The following CLIP3 variants were observed in gnomAD, a reference collection of about 807,000 sequenced individuals.
The protein encoded by CLIP3 is CAP-Gly domain containing linker protein 3, also known as CAP-Gly domain-containing linker protein 3.
Under a neutral mutation model 59.4 loss-of-function variants are expected in CLIP3, and 15 were observed. That is an observed-to-expected ratio of 0.25 (90% CI 0.17 to 0.39). CLIP3 has a LOEUF of 0.39. Ranked by LOEUF, CLIP3 falls within the 10% of genes least tolerant of loss-of-function variation. CLIP3 has a pLI of 1.00. For missense variants in CLIP3, 495 were observed against 765.7 expected (o/e 0.65, Z 4.17); for synonymous variants, 300 against 321.6 (o/e 0.93, Z 0.72).
chr19:36,016,737 T>C lies in CLIP3; in HGVS notation c.1589+170A>G, dbSNP rs1177663071. On this transcript the variant is annotated intron_variant, in intron 13 of 13. Coordinates refer to ENST00000360535, the MANE Select transcript of CLIP3 (RefSeq NM_015526.3). The surrounding 1 kb of genome is among the most constrained non-coding windows in gnomAD (Gnocchi z 4.1). ...GAAAGTGGAATTCACTAGAATTCAG[T>C]GCGGGGCCCTACACCCTAAAGACTG... The C allele has an allele frequency of 3.0e-6, 2 of 669,428 alleles. No individual in the cohort carries two copies. The highest frequency in any genetic ancestry group is 3.6e-5 in the African/African-American group (2 of 55,166). The allele number at this position is 669,428 out of a possible 1,614,324, so 41.5% of individuals were successfully genotyped here. A position where few individuals can be genotyped will look rare whatever the true frequency, so the allele number is the denominator to read the frequency against.
chr19:36,018,423 A>C (rs1476381732), intron 9 of CLIP3, among the ~76,000 whole-genome samples: 1 of 152,060 alleles, frequency 6.6e-6, no homozygotes, highest in Non-Finnish European at 1.5e-5. Flanking sequence ...TACAGAAAAA[A>C]ATACAAACAT....
chr19:36,024,935 G>A (rs968490197), intron 6 of CLIP3, among the ~76,000 whole-genome samples: 15 of 152,132 alleles, frequency 9.9e-5, no homozygotes, highest in African/African-American at 2.2e-4. Context: ...GTGTGGTGGC[G>A]TGTGCCTGTA....
At position 36,026,971 on chromosome 19, in the gene CLIP3, T is replaced by C; in HGVS notation, c.381A>G (p.Lys127=). 6.4e-7 allele frequency: 1 copy of C among 1,559,926 alleles called. No individual in the cohort carries two copies. The highest frequency in any genetic ancestry group is 2.1e-5 in the Admixed American group (1 of 48,468). ...TDMTLLHYAC[K]AGAHGVGDPA... is the part of the protein sequence containing the mutation. Reference sequence around the variant, plus strand: ...CCTCACCGACTCCGTGGGCCCCAGCTTTGCACGCATAGTGGAGCAGTGTCA... The same window carrying C: ...CCTCACCGACTCCGTGGGCCCCAGCCTTGCACGCATAGTGGAGCAGTGTCA... Residue 127 remains lysine, a synonymous_variant, in exon 4 of 14, where the codon AAA becomes AAG. Transcript: ENST00000360535. This position sits in a 1 kb window ranked among gnomAD's most constrained non-coding sequence, Gnocchi z 6.3.
chr19:36,026,509 G>A lies in CLIP3; in HGVS notation c.562+77C>T. On this transcript the variant is annotated intron_variant, in intron 5 of 13. Coordinates refer to ENST00000360535, the MANE Select transcript of CLIP3 (RefSeq NM_015526.3). This position sits in a 1 kb window ranked among gnomAD's most constrained non-coding sequence, Gnocchi z 6.3. ...TCAGATCACCGTCCTCCTTCCCCTC[G>A]CAGCCTGGCCTCACCTGGGTCTCCG... 6.3e-7 allele frequency: 1 copy of A among 1,576,700 alleles called. No individual in the cohort carries two copies. The highest frequency in any genetic ancestry group is 8.6e-7 in the Non-Finnish European group (1 of 1,157,256).
chr19:36,031,367 T>G (rs1168219570), intron 2 of CLIP3, among the ~76,000 whole-genome samples: 1 of 152,206 alleles, frequency 6.6e-6, no homozygotes, highest in Non-Finnish European at 1.5e-5. Context: ...TTATCTGATT[T>G]CTGATTTATT....
chr19:36,022,245 A>T (rs1968971619), intron 7 of CLIP3, among the ~76,000 whole-genome samples: 1 of 152,174 alleles, frequency 6.6e-6, no homozygotes, highest in African/African-American at 2.4e-5. Flanking sequence ...CACAAAGAGC[A>T]TTTAGTATGC....
chr19:36,018,820 A>T lies in CLIP3; in HGVS notation c.1183+78T>A, dbSNP rs535102193. Reference sequence around the variant, plus strand: ...AAACTGGAGTTTGGGCCTGAGGAGAAACTGAGTCACAGAAGCTGAGCTACC... The same window carrying T: ...AAACTGGAGTTTGGGCCTGAGGAGATACTGAGTCACAGAAGCTGAGCTACC... On this transcript the variant is annotated intron_variant, in intron 9 of 13. Coordinates refer to ENST00000360535, the MANE Select transcript of CLIP3 (RefSeq NM_015526.3). 2.6e-6 allele frequency: 4 copies of T among 1,535,052 alleles called. No individual in the cohort carries two copies. In the East Asian group the frequency reaches 9.1e-5, roughly 35 times the overall value.
Position 36,026,944 on chromosome 19 carries a change from G to A in CLIP3, c.400+8C>T. 6.5e-7 allele frequency: 1 copy of A among 1,532,944 alleles called. No individual in the cohort carries two copies. Among genetic ancestry groups the A allele is most frequent in the Non-Finnish European group, 8.8e-7 (1 of 1,142,560 alleles). 95.0% of individuals were successfully genotyped at this position (1,532,944 alleles called of 1,614,324 possible). ...GGGGCTTATGACTTGGGGGTAGGGG[G>A]CCCTCACCGACTCCGTGGGCCCCAG... On this transcript the variant is annotated splice_region_variant and intron_variant, in intron 4 of 13. Transcript: ENST00000360535. The surrounding 1 kb of genome is among the most constrained non-coding windows in gnomAD (Gnocchi z 6.3).
intron 7 of CLIP3, among the ~76,000 whole-genome samples, chr19:36,024,127 C>T (rs1230314575): frequency 6.6e-6 from 1 of 152,220 alleles, no homozygotes; most frequent in Non-Finnish European, 1.5e-5. Context: ...ACTCTGCTCA[C>T]CCCTCCCCAT....
chr19:36,024,288 G>T, intron 7 of CLIP3, 108 bp downstream of exon 7: 1 of 888,314 alleles, frequency 1.1e-6, no homozygotes, highest in Non-Finnish European at 1.7e-6. Context: ...AGGGCGGCAA[G>T]TAGACAAAGG....
At position 36,026,464 on chromosome 19, in the gene CLIP3, T is replaced by C. The variant is rs1041993265; in HGVS notation, c.562+122A>G. On this transcript the variant is annotated intron_variant, in intron 5 of 13. Coordinates refer to ENST00000360535, the MANE Select transcript of CLIP3 (RefSeq NM_015526.3). This position sits in a 1 kb window ranked among gnomAD's most constrained non-coding sequence, Gnocchi z 6.3. ...GTCCCTGAGCCCCCTCTCCCACGCC[T>C]CCAACCTCCCGCTATCTCCTCAGAT... The C allele has an allele frequency of 1.0e-5, 14 of 1,351,996 alleles. No individual in the cohort carries two copies. The highest frequency in any genetic ancestry group is 1.4e-5 in the Non-Finnish European group (14 of 1,009,634). 83.7% of individuals were successfully genotyped at this position (1,351,996 alleles called of 1,614,324 possible).
chr19:36,019,209 A>G lies in CLIP3; in HGVS notation c.1016T>C (p.Val339Ala). The G allele has an allele frequency of 1.9e-6, 3 of 1,614,018 alleles. No homozygotes were observed. The highest frequency in any genetic ancestry group is 2.5e-6 in the Non-Finnish European group (3 of 1,180,018). The change falls in exon 8 of 14, where the codon GTT becomes GCT. Residue 339 changes from valine to alanine, a missense_variant. By Grantham distance (64) the Val-to-Ala change is moderately conservative (BLOSUM62 0). Around this residue, in one of 5 missense-constraint regions of CLIP3, gnomAD observed 194 missense variants for 327.8 expected, o/e 0.59. Coordinates refer to ENST00000360535, the MANE Select transcript of CLIP3 (RefSeq NM_015526.3). ...DEPEGKNDGSVGGVRYFICPP... is the reference protein window; with the variant it reads ...DEPEGKNDGSAGGVRYFICPP... ...GCAGATGAAGTACCGAACGCCCCCA[A>G]CGCTGCCATCGTTCTTGCCCTCAGG... is the stretch of plus-strand genomic sequence containing the variant.
chr19:36,026,464 T>G lies in CLIP3; in HGVS notation c.562+122A>C, dbSNP rs1041993265. 1.1e-5 allele frequency: 15 copies of G among 1,351,996 alleles called. No homozygotes were observed. Among genetic ancestry groups the G allele is most frequent in the Non-Finnish European group, 1.5e-5 (15 of 1,009,634 alleles). 83.7% of individuals were successfully genotyped at this position (1,351,996 alleles called of 1,614,324 possible). On this transcript the variant is annotated intron_variant, in intron 5 of 13. Transcript: ENST00000360535. This position sits in a 1 kb window ranked among gnomAD's most constrained non-coding sequence, Gnocchi z 6.3. The stretch of plus-strand genomic sequence containing the variant: ...GTCCCTGAGCCCCCTCTCCCACGCC[T>G]CCAACCTCCCGCTATCTCCTCAGAT...
Position 36,032,132 on chromosome 19 carries a change from C to T in CLIP3, c.166+60G>A. On this transcript the variant is annotated intron_variant, in intron 2 of 13. Coordinates refer to ENST00000360535, the MANE Select transcript of CLIP3 (RefSeq NM_015526.3). This position sits in a 1 kb window ranked among gnomAD's most constrained non-coding sequence, Gnocchi z 4.3. ...CACCATCACCACCAGCAGAGCACAG[C>T]CCACCCTCCCCGGCCACCCAACGCT... is the stretch of plus-strand genomic sequence containing the variant. 2 of 974,824 alleles carry T rather than the reference C, an allele frequency of 2.1e-6. No homozygotes were observed. The highest frequency in any genetic ancestry group is 2.7e-6 in the Non-Finnish European group (2 of 738,052). The allele number at this position is 974,824 out of a possible 1,614,324, so 60.4% of individuals were successfully genotyped here. A position where few individuals can be genotyped will look rare whatever the true frequency, so the allele number is the denominator to read the frequency against.
chr19:36,032,044 T>G lies in CLIP3; in HGVS notation c.166+148A>C, dbSNP rs1428767618. The G allele has an allele frequency of 1.4e-5, 6 of 422,538 alleles. No homozygotes were observed. Among genetic ancestry groups the G allele is most frequent in the Middle Eastern group, 6.1e-4 (1 of 1,650 alleles). The allele number at this position is 422,538 out of a possible 1,614,324, so 26.2% of individuals were successfully genotyped here. ...TTCTCCAATGGGTGAATGAATGAAT[T>G]AACGAGGGGTGCTCTGCAGCCAAGA... On this transcript the variant is annotated intron_variant, in intron 2 of 13. Coordinates refer to ENST00000360535, the MANE Select transcript of CLIP3 (RefSeq NM_015526.3). The surrounding 1 kb of genome is among the most constrained non-coding windows in gnomAD (Gnocchi z 4.3).
Position 36,019,238 on chromosome 19 carries a change from G to C in CLIP3, c.987C>G (p.Asp329Glu). The change falls in exon 8 of 14, where the codon GAC (aspartate) becomes GAG (glutamate). Residue 329 changes from aspartate (D) to glutamate (E), a missense_variant. Coordinates refer to ENST00000360535, the MANE Select transcript of CLIP3 (RefSeq NM_015526.3). ...ASGQWVGVELDEPEGKNDGSV... is the reference protein window; with the variant it reads ...ASGQWVGVELEEPEGKNDGSV... The stretch of plus-strand genomic sequence containing the variant: ...TGCCATCGTTCTTGCCCTCAGGTTC[G>C]TCCAGCTCCACGCCCACCCACTGGC... The C allele has an allele frequency of 6.2e-7, 1 of 1,614,004 alleles. No individual in the cohort carries two copies.
Position 36,032,264 on chromosome 19 carries a change from T to C in CLIP3, c.94A>G (p.Ser32Gly). Residue 32 changes from serine (S) to glycine (G), a missense_variant, in exon 2 of 14, where the codon AGC becomes GGC. Transcript: ENST00000360535. This position sits in a 1 kb window ranked among gnomAD's most constrained non-coding sequence, Gnocchi z 4.3. Reference protein sequence around the residue: ...EEDEPVPEAPSPTQERRQKPV... With the variant: ...EEDEPVPEAPGPTQERRQKPV... Reference sequence around the variant, plus strand: ...TTCTGCCGGCGCTCCTGGGTGGGGCTGGGGGCCTCGGGGACGGGTTCATCC... The same window carrying C: ...TTCTGCCGGCGCTCCTGGGTGGGGCCGGGGGCCTCGGGGACGGGTTCATCC... 7.7e-7 allele frequency: 1 copy of C among 1,297,492 alleles called. No homozygotes were observed. Among genetic ancestry groups the C allele is most frequent in the Non-Finnish European group, 9.9e-7 (1 of 1,012,610 alleles). 80.4% of individuals were successfully genotyped at this position (1,297,492 alleles called of 1,614,324 possible).
chr19:36,020,233 C>T (rs1968918558), intron 7 of CLIP3, among the ~76,000 whole-genome samples: 2 of 151,778 alleles, frequency 1.3e-5, no homozygotes, highest in Non-Finnish European at 2.9e-5. Flanking sequence ...GCCTGGGCAA[C>T]AAGCAAGACC....
At chr19:36,028,307 C>T (rs1213088505) in intron 2 of CLIP3, among the ~76,000 whole-genome samples, 1 of 152,068 alleles carries the variant, frequency 6.6e-6, no homozygotes, top group Non-Finnish European at 1.5e-5. Context: ...CGCTGCACTC[C>T]AGCCTGGGTG....
Sources: allele counts gnomAD v4.1 joint callset (sites outside exome capture counted in the v4.1 genomes callset), GRCh38; gene constraint gnomAD v4.1.1; regional missense constraint gnomAD v4.1.1; non-coding constraint Gnocchi (gnomAD v3.1); transcripts MANE v1.5; gene names NCBI Gene and HGNC (gene_info 2026-07-23, HGNC 2026-07-21).